Variants in BBOX1 observed in about 807,000 individuals in gnomAD.
BBOX1 encodes the protein gamma-butyrobetaine hydroxylase 1.
Under a neutral mutation model 41.6 loss-of-function variants are expected in BBOX1, and 35 were observed. That is an observed-to-expected ratio of 0.84 (90% CI 0.64 to 1.11). The LOEUF is 1.11. BBOX1 is among the 50% of genes most tolerant of loss of function. The probability of loss-of-function intolerance (pLI) is 0.00; values close to 1 mark genes in which losing one functional copy is unlikely to be tolerated. For synonymous variants in BBOX1, 163 were observed against 154.7 expected (o/e 1.05, Z -0.40); for missense variants, 458 against 460.6 (o/e 0.99, Z 0.05).
intron 2 of BBOX1, among the ~76,000 whole-genome samples, chr11:27,050,887 T>A (rs1391240850): frequency 6.6e-6 from 1 of 152,034 alleles, no homozygotes; most frequent in Non-Finnish European, 1.5e-5. Flanking sequence ...TAGAAGTGGT[T>A]AGAGTGGGCA....
intron 4 of BBOX1, among the ~76,000 whole-genome samples, chr11:27,083,677 G>A (rs937563642): frequency 1.3e-4 from 20 of 152,156 alleles, no homozygotes; most frequent in African/African-American, 4.8e-4. Flanking sequence ...TACCCTCATA[G>A]CACTTGCCAA....
chr11:27,080,046 A>C (rs1247498418), intron 4 of BBOX1, among the ~76,000 whole-genome samples: 1 of 152,108 alleles, frequency 6.6e-6, no homozygotes, highest in Non-Finnish European at 1.5e-5. Context: ...CTTTTTAAAA[A>C]ATGCTTTAAA....
intron 4 of BBOX1, among the ~76,000 whole-genome samples, chr11:27,077,780 T>C (rs190525754): frequency 6.6e-6 from 1 of 152,276 alleles, no homozygotes; most frequent in Admixed American, 6.5e-5. Flanking sequence ...ATGACTTATA[T>C]TTAAGTTAGG....
At chr11:27,057,553 T>A (rs1857023617) in intron 4 of BBOX1, 2 of 422,436 alleles carry the variant, frequency 4.7e-6, no homozygotes, top group African/African-American at 2.1e-5. Flanking sequence ...AGCAAACTTG[T>A]GTCTTTGTCA....
chr11:27,122,983 A>T (rs1307232562), intron 7 of BBOX1, among the ~76,000 whole-genome samples: 1 of 152,094 alleles, frequency 6.6e-6, no homozygotes, highest in Non-Finnish European at 1.5e-5. Context: ...TTCTGTTATA[A>T]GGCATCAAAT....
At chr11:27,094,748 C>A (rs548330573) in intron 5 of BBOX1, among the ~76,000 whole-genome samples, 2 of 151,910 alleles carry the variant, frequency 1.3e-5, no homozygotes, top group African/African-American at 2.4e-5. Context: ...ACTCTGCCAT[C>A]TCTGCCATGT....
chr11:27,054,002 A>G lies in BBOX1; in HGVS notation c.-38-1391A>G, dbSNP rs185010253. Among the ~76,000 whole-genome samples, 21 of 152,286 alleles carry G rather than the reference A, an allele frequency of 1.4e-4. No homozygotes were observed. The East Asian group carries it at 4.1e-3, about 29-fold the overall frequency. ...CTTGACTAAATTATCCAAGCCAATG[A>G]TCTGAGGAAGCATATGTGAAACCAC... On this transcript the variant is annotated intron_variant, in intron 2 of 8. Coordinates refer to ENST00000263182, the MANE Select transcript of BBOX1 (RefSeq NM_003986.3).
At chr11:27,067,215 G>T (rs535847903) in intron 4 of BBOX1, among the ~76,000 whole-genome samples, 7 of 152,112 alleles carry the variant, frequency 4.6e-5, no homozygotes, top group African/African-American at 1.7e-4. Flanking sequence ...TTTAAAATAG[G>T]TTTATTTCTT....
chr11:27,089,169 T>C (rs977315381), intron 4 of BBOX1, among the ~76,000 whole-genome samples: 5 of 144,840 alleles, frequency 3.5e-5, no homozygotes, highest in African/African-American at 1.3e-4. Flanking sequence ...ACCAGTCACA[T>C]ACATATGGCT....
chr11:27,119,651 T>A lies in BBOX1; in HGVS notation c.642T>A (p.Val214=). The change falls in exon 7 of 9, where the codon GTT becomes GTA. Residue 214 remains valine, a splice_region_variant and synonymous_variant. Coordinates refer to ENST00000263182, the MANE Select transcript of BBOX1 (RefSeq NM_003986.3). ...DYPALHHPPG[V]QLLHCIKQTV... ...TAATGCATATTTTCTTTTTATAGGT[T>A]CAGCTTCTTCACTGCATAAAGCAAA... 1.4e-6 allele frequency: 2 copies of A among 1,421,692 alleles called. No homozygotes were observed. Among genetic ancestry groups the A allele is most frequent in the Non-Finnish European group, 1.8e-6 (2 of 1,086,412 alleles). The allele number at this position is 1,421,692 out of a possible 1,614,324, so 88.1% of individuals were successfully genotyped here.
At chr11:27,052,913 T>C (rs1856860063) in intron 2 of BBOX1, among the ~76,000 whole-genome samples, 1 of 152,016 alleles carries the variant, frequency 6.6e-6, no homozygotes, top group African/African-American at 2.4e-5. Flanking sequence ...TGGAAAAAAA[T>C]AGAGAAAACA....
intron 5 of BBOX1, among the ~76,000 whole-genome samples, chr11:27,109,102 G>A (rs1372468729): frequency 1.3e-5 from 2 of 152,194 alleles, no homozygotes; most frequent in Middle Eastern, 3.4e-3. Context: ...CTGTATTTGT[G>A]TATTTAAATG....
At chr11:27,106,826 A>G (rs1382458444) in intron 5 of BBOX1, among the ~76,000 whole-genome samples, 1 of 152,156 alleles carries the variant, frequency 6.6e-6, no homozygotes, top group Non-Finnish European at 1.5e-5. Context: ...AAAATTAACC[A>G]CATGGTTGGA....
chr11:27,114,888 C>T (rs1316517585), intron 5 of BBOX1, among the ~76,000 whole-genome samples: 1 of 151,708 alleles, frequency 6.6e-6, no homozygotes, highest in Non-Finnish European at 1.5e-5. Flanking sequence ...CTATATAATT[C>T]CATTTATGGT....
intron 2 of BBOX1, among the ~76,000 whole-genome samples, chr11:27,052,269 T>C (rs766924379): frequency 1.8e-4 from 27 of 152,076 alleles, no homozygotes; most frequent in Non-Finnish European, 3.4e-4. Context: ...ACATGTGTCC[T>C]CCCATATATG....
chr11:27,046,282 A>G (rs1197145237), intron 2 of BBOX1: 10 of 152,124 alleles, frequency 6.6e-5, no homozygotes, highest in Non-Finnish European at 1.2e-4. Context: ...TGTAATATTA[A>G]GAAAAAGAAA....
intron 7 of BBOX1, among the ~76,000 whole-genome samples, chr11:27,124,034 T>C (rs1859558638): frequency 6.6e-6 from 1 of 152,176 alleles, no homozygotes. Context: ...ACCATTACAA[T>C]TGCCGTTTGG....
intron 5 of BBOX1, among the ~76,000 whole-genome samples, chr11:27,112,083 C>T (rs776857221): frequency 1.3e-4 from 20 of 151,912 alleles, no homozygotes; most frequent in Non-Finnish European, 2.5e-4. Flanking sequence ...CTGCCAGTTT[C>T]CCAGAAACTG....
chr11:27,102,618 T>C (rs950383589), intron 5 of BBOX1, among the ~76,000 whole-genome samples: 2 of 152,058 alleles, frequency 1.3e-5, no homozygotes, highest in African/African-American at 4.8e-5. Context: ...ATATCTTTTT[T>C]TCCTCCCCTA....
Sources: gnomAD v4.1 joint callset for allele counts (sites outside exome capture counted in the v4.1 genomes callset) on GRCh38, gnomAD v4.1.1 for gene constraint, MANE v1.5 for transcripts, NCBI Gene and HGNC (gene_info 2026-07-23, HGNC 2026-07-21) for gene names.